Variants in PTPRG observed in about 807,000 individuals in gnomAD.
PTPRG encodes the protein receptor-type tyrosine-protein phosphatase gamma.
In PTPRG, 102 loss-of-function variants were observed where a neutral mutation model predicts 165.3. That is an observed-to-expected ratio of 0.62 (90% CI 0.53 to 0.73). The LOEUF is 0.73. Among genes scored for constraint, PTPRG ranks in the 30% least tolerant of loss-of-function variants. The pLI, the probability that PTPRG is intolerant of heterozygous loss-of-function variation, is 0.00. For missense variants in PTPRG, 1,866 were observed against 1,861.4 expected, an observed-to-expected ratio of 1.00 and a Z score of -0.05; for synonymous variants, 675 against 669.5, an observed-to-expected ratio of 1.01 and a Z score of -0.13.
intron 5 of PTPRG, among the ~76,000 whole-genome samples, chr3:62,080,935 C>G (rs1701548566): frequency 6.6e-6 from 1 of 152,092 alleles, no homozygotes; most frequent in African/African-American, 2.4e-5. Flanking sequence ...CCTAAAGACA[C>G]AAATTAGAGG....
At chr3:62,111,470 G>A (rs2106859834) in intron 5 of PTPRG, among the ~76,000 whole-genome samples, 1 of 152,298 alleles carries the variant, frequency 6.6e-6, no homozygotes, top group South Asian at 2.1e-4. Context: ...TCTGTTTAGA[G>A]ACAAGGTCTT....
intron 2 of PTPRG, among the ~76,000 whole-genome samples, chr3:61,782,202 G>A (rs1172116365): frequency 2.0e-5 from 3 of 152,140 alleles, no homozygotes; most frequent in Non-Finnish European, 4.4e-5. Flanking sequence ...AAGGGGCAAG[G>A]TACTTTATAT....
rs138626937 is a variant in PTPRG, at chr3:62,238,892, A to G, written c.2376-4915A>G. Reference sequence around the variant, plus strand: ...AGATATATGCTGCAAATTGTACAATAGGGGGAAGTAGAAGATAACTAATTT... The same window carrying G: ...AGATATATGCTGCAAATTGTACAATGGGGGGAAGTAGAAGATAACTAATTT... On this transcript the variant is annotated intron_variant, in intron 14 of 29. Transcript: ENST00000474889. 6.6e-5 allele frequency among the ~76,000 whole-genome samples: 10 copies of G among 152,272 alleles called. No individual in the cohort carries two copies. In the East Asian group the frequency reaches 1.9e-3, roughly 29 times the overall value.
intron 1 of PTPRG, among the ~76,000 whole-genome samples, chr3:61,625,996 C>G (rs1372719896): frequency 6.8e-6 from 1 of 147,812 alleles, no homozygotes; most frequent in African/African-American, 2.6e-5. Context: ...TTTCCTGTCC[C>G]AACAGGGTTT....
At chr3:62,270,322 C>T (rs754454001) in intron 20 of PTPRG, among the ~76,000 whole-genome samples, 2 of 152,032 alleles carry the variant, frequency 1.3e-5, no homozygotes, top group Non-Finnish European at 2.9e-5. Context: ...TCTGTGATCC[C>T]AGGTTAACTA....
At chr3:62,287,179 A>G (rs1302376251) in intron 28 of PTPRG, among the ~76,000 whole-genome samples, 6 of 152,286 alleles carry the variant, frequency 3.9e-5, no homozygotes, top group Admixed American at 3.9e-4. Context: ...AGAGCTAAGA[A>G]AAAAGGGGAG....
chr3:61,787,979 G>C (rs1482615707), intron 2 of PTPRG, among the ~76,000 whole-genome samples: 2 of 152,108 alleles, frequency 1.3e-5, no homozygotes, highest in African/African-American at 4.8e-5. Flanking sequence ...AAACTTGTGA[G>C]TTTGTCTGAG....
chr3:62,108,342 G>A (rs570205079), intron 5 of PTPRG, among the ~76,000 whole-genome samples: 1 of 152,122 alleles, frequency 6.6e-6, no homozygotes. Flanking sequence ...ATGGTTTCCA[G>A]CTTCATCCAT....
Position 61,562,201 on chromosome 3 carries a change from C to CG in PTPRG, c.-85dup. 1 of 1,289,312 alleles carries CG rather than the reference C, an allele frequency of 7.8e-7. No homozygotes were observed. Among genetic ancestry groups the CG allele is most frequent in the South Asian group, 1.2e-5 (1 of 82,100 alleles). 79.9% of individuals were successfully genotyped at this position (1,289,312 alleles called of 1,614,324 possible). A position where few individuals can be genotyped will look rare whatever the true frequency, so the allele number is the denominator to read the frequency against. On this transcript the variant is annotated 5_prime_UTR_variant, in exon 1 of 30. Coordinates refer to ENST00000474889, the MANE Select transcript of PTPRG (RefSeq NM_002841.4). ...GAGCGGGCGAGCCGGGGAAGCGCCC[C>CG]GGCTTAGCGGAGGCTCGCACGGAGG...
intron 2 of PTPRG, among the ~76,000 whole-genome samples, chr3:61,953,669 C>G (rs2039954527): frequency 6.6e-6 from 1 of 152,172 alleles, no homozygotes; most frequent in Non-Finnish European, 1.5e-5. Context: ...AGCCCCAAGG[C>G]TCACTGCTGC....
chr3:61,813,743 A>G (rs1000844594), intron 2 of PTPRG, among the ~76,000 whole-genome samples: 2 of 152,084 alleles, frequency 1.3e-5, no homozygotes, highest in South Asian at 2.1e-4. Context: ...TAACAAGCCT[A>G]TGATGAAGGG....
intron 1 of PTPRG, among the ~76,000 whole-genome samples, chr3:61,616,999 ACTG>A (rs1184324686): frequency 2.0e-5 from 3 of 152,188 alleles, no homozygotes; most frequent in African/African-American, 7.2e-5. Flanking sequence ...GCAAAAGAGG[ACTG>A]CTGGAGTTTT....
At chr3:61,725,022 G>T in intron 1 of PTPRG, among the ~76,000 whole-genome samples, 1 of 152,038 alleles carries the variant, frequency 6.6e-6, no homozygotes, top group East Asian at 1.9e-4. Flanking sequence ...CCGATGCTTT[G>T]GTTGTCATAT....
chr3:62,000,777 TC>T (rs2041155208), intron 3 of PTPRG, among the ~76,000 whole-genome samples: 1 of 152,204 alleles, frequency 6.6e-6, no homozygotes, highest in South Asian at 2.1e-4. Flanking sequence ...TGGCCAGTCT[TC>T]CGTGCTGTCC....
intron 5 of PTPRG, among the ~76,000 whole-genome samples, chr3:62,131,299 G>A (rs1235088088): frequency 1.3e-5 from 2 of 152,106 alleles, no homozygotes; most frequent in Non-Finnish European, 2.9e-5. Flanking sequence ...CCTCTTGTAG[G>A]GCAATATCTC....
At chr3:61,970,147 G>T (rs2040351276) in intron 2 of PTPRG, among the ~76,000 whole-genome samples, 1 of 152,094 alleles carries the variant, frequency 6.6e-6, no homozygotes, top group African/African-American at 2.4e-5. Context: ...TCTTCTGATT[G>T]TGTTTCCAAT....
chr3:61,678,511 G>C (rs1368393474), intron 1 of PTPRG, among the ~76,000 whole-genome samples: 1 of 152,142 alleles, frequency 6.6e-6, no homozygotes, highest in African/African-American at 2.4e-5. Context: ...TATTTGGAAA[G>C]AAGTGCAGTC....
chr3:61,681,279 C>A (rs999426595), intron 1 of PTPRG, among the ~76,000 whole-genome samples: 1 of 152,172 alleles, frequency 6.6e-6, no homozygotes, highest in African/African-American at 2.4e-5. Context: ...ACAGAAACTA[C>A]CCACCACACA....
chr3:62,084,174 C>T (rs993995680), intron 5 of PTPRG, among the ~76,000 whole-genome samples: 2 of 152,164 alleles, frequency 1.3e-5, no homozygotes, highest in Admixed American at 1.3e-4. Context: ...AAATGATTGT[C>T]ATGTCTGTAT....
Sources: allele counts gnomAD v4.1 joint callset (sites outside exome capture counted in the v4.1 genomes callset), GRCh38; gene constraint gnomAD v4.1.1; transcripts MANE v1.5; gene names NCBI Gene and HGNC (gene_info 2026-07-23, HGNC 2026-07-21).